Variants in AFG1L observed in about 807,000 individuals in gnomAD.
AFG1L encodes the protein AFG1 like ATPase, also known as AFG1-like ATPase.
Under a neutral mutation model 62.2 loss-of-function variants are expected in AFG1L, and 53 were observed. The observed-to-expected ratio is 0.85, with a 90% CI of 0.68 to 1.07. The LOEUF (loss-of-function observed/expected upper bound fraction) is 1.07. Among genes scored for constraint, AFG1L ranks in the 50% least tolerant of loss-of-function variants. The pLI, the probability that AFG1L is intolerant of heterozygous loss-of-function variation, is 0.00. For missense variants in AFG1L, 555 were observed against 590.5 expected, an observed-to-expected ratio of 0.94 and a Z score of 0.62; for synonymous variants, 228 against 210.3, an observed-to-expected ratio of 1.08 and a Z score of -0.73.
At chr6:108,491,787 T>C (rs1773787266) in intron 10 of AFG1L, among the ~76,000 whole-genome samples, 1 of 152,282 alleles carries the variant, frequency 6.6e-6, no homozygotes, top group African/African-American at 2.4e-5. Context: ...CTTTTTAATA[T>C]CTTTTGAATA....
intron 11 of AFG1L, among the ~76,000 whole-genome samples, chr6:108,513,801 G>A (rs540392253): frequency 7.0e-4 from 107 of 152,306 alleles, no homozygotes; most frequent in African/African-American, 2.4e-3. Context: ...ATCTGAGAAC[G>A]GACAGACTGT....
intron 5 of AFG1L, among the ~76,000 whole-genome samples, chr6:108,363,590 CTG>C (rs1779630821): frequency 6.6e-6 from 1 of 151,642 alleles, no homozygotes; most frequent in Non-Finnish European, 1.5e-5. Flanking sequence ...ACATGTTAAA[CTG>C]TTTATGATTC....
intron 11 of AFG1L, among the ~76,000 whole-genome samples, chr6:108,517,851 AC>A (rs1415903019): frequency 6.6e-6 from 1 of 152,238 alleles, no homozygotes; most frequent in Non-Finnish European, 1.5e-5. Flanking sequence ...AAGGATATGA[AC>A]AGACACTTCT....
chr6:108,342,566 A>G (rs1337976966), intron 2 of AFG1L, among the ~76,000 whole-genome samples: 1 of 152,106 alleles, frequency 6.6e-6, no homozygotes, highest in Non-Finnish European at 1.5e-5. Context: ...CTTCTTTAGG[A>G]CCCATTTTAT....
chr6:108,304,875 T>C (rs917793670), intron 1 of AFG1L, among the ~76,000 whole-genome samples: 1 of 152,230 alleles, frequency 6.6e-6, no homozygotes, highest in Admixed American at 6.5e-5. Context: ...AGACGACTAA[T>C]AAAAACTGAT....
chr6:108,347,013 G>A lies in AFG1L; in HGVS notation c.389G>A (p.Arg130Lys). Residue 130 changes from arginine (R) to lysine (K), a missense_variant, in exon 3 of 13, where the codon AGG becomes AAG. Physicochemically the swap from Arg to Lys is conservative, Grantham distance 26. Transcript: ENST00000368977. ...SKLFSRSKPPRGLYVYGDVGT... is the reference protein window; with the variant it reads ...SKLFSRSKPPKGLYVYGDVGT... ...CTTTTTTCAAGGAGCAAACCTCCAA[G>A]GGGCCTGTATGTTTATGGAGATGTT... 6.2e-7 allele frequency: 1 copy of A among 1,613,372 alleles called. No homozygotes were observed. Among genetic ancestry groups the A allele is most frequent in the South Asian group, 1.1e-5 (1 of 91,032 alleles).
intron 1 of AFG1L, among the ~76,000 whole-genome samples, chr6:108,315,968 G>A (rs576810882): frequency 1.5e-4 from 23 of 152,092 alleles, no homozygotes; most frequent in Non-Finnish European, 2.5e-4. Flanking sequence ...GATAGCTTGA[G>A]CCTGGAAGGT....
chr6:108,480,824 A>T (rs948682851), intron 10 of AFG1L, among the ~76,000 whole-genome samples: 1 of 152,188 alleles, frequency 6.6e-6, no homozygotes, highest in Non-Finnish European at 1.5e-5. Context: ...AACAACAAAA[A>T]TAAATAAAGT....
chr6:108,422,497 AAAG>A (rs1196041463), intron 7 of AFG1L, among the ~76,000 whole-genome samples: 11 of 147,718 alleles, frequency 7.4e-5, no homozygotes, highest in South Asian at 4.2e-4. Context: ...AAAAAAAAAA[AAAG>A]AAGAAGAAAT....
chr6:108,514,372 C>A (rs1482251520), intron 11 of AFG1L, among the ~76,000 whole-genome samples: 1 of 152,106 alleles, frequency 6.6e-6, no homozygotes, highest in African/African-American at 2.4e-5. Flanking sequence ...AATTTTCAAC[C>A]CAGAATTTCA....
intron 10 of AFG1L, among the ~76,000 whole-genome samples, chr6:108,496,474 G>T (rs1180078536): frequency 1.3e-5 from 2 of 152,130 alleles, no homozygotes; most frequent in African/African-American, 4.8e-5. Context: ...AAATGAGTGT[G>T]GCAACAGCAA....
At chr6:108,389,747 G>A (rs985817847) in intron 6 of AFG1L, among the ~76,000 whole-genome samples, 9 of 152,238 alleles carry the variant, frequency 5.9e-5, no homozygotes, top group Admixed American at 2.0e-4. Context: ...CGAGAGATCC[G>A]CTGTTAGTGT....
intron 1 of AFG1L, 26 bp downstream of exon 1, chr6:108,295,244 C>G: frequency 6.3e-7 from 1 of 1,587,378 alleles, no homozygotes; most frequent in South Asian, 1.1e-5. Flanking sequence ...ATGAGTAGTC[C>G]GAGCCGACTG....
chr6:108,369,053 A>G (rs1420860902), intron 6 of AFG1L, among the ~76,000 whole-genome samples: 1 of 152,200 alleles, frequency 6.6e-6, no homozygotes, highest in Non-Finnish European at 1.5e-5. Flanking sequence ...ACAGCAGACA[A>G]TCATCATAAA....
chr6:108,405,241 G>A (rs1781798080), intron 7 of AFG1L, among the ~76,000 whole-genome samples: 1 of 152,192 alleles, frequency 6.6e-6, no homozygotes, highest in South Asian at 2.1e-4. Context: ...TTTGGTATAA[G>A]TGATTTACAA....
At chr6:108,519,251 T>G (rs1773132605) in intron 11 of AFG1L, among the ~76,000 whole-genome samples, 1 of 152,184 alleles carries the variant, frequency 6.6e-6, no homozygotes, top group Non-Finnish European at 1.5e-5. Flanking sequence ...ATCCCATGCA[T>G]GAAGGCAGAG....
chr6:108,341,882 A>G (rs1435353958), intron 2 of AFG1L, among the ~76,000 whole-genome samples: 1 of 152,202 alleles, frequency 6.6e-6, no homozygotes, highest in Non-Finnish European at 1.5e-5. Context: ...TAGTCATTTC[A>G]GATTTTGAAG....
At chr6:108,353,814 A>AT (rs556053085) in intron 3 of AFG1L, among the ~76,000 whole-genome samples, 289 of 152,310 alleles carry the variant, frequency 1.9e-3, no homozygotes, top group African/African-American at 6.7e-3. Flanking sequence ...TGTACTGAAT[A>AT]TTTTTGCAAT....
chr6:108,337,650 A>T (rs939937764), intron 2 of AFG1L, among the ~76,000 whole-genome samples: 3 of 152,198 alleles, frequency 2.0e-5, no homozygotes, highest in African/African-American at 7.2e-5. Context: ...TGATAAAGAG[A>T]TCTTAGTTCT....
Sources: allele counts gnomAD v4.1 joint callset (sites outside exome capture counted in the v4.1 genomes callset), GRCh38; gene constraint gnomAD v4.1.1; transcripts MANE v1.5; gene names NCBI Gene and HGNC (gene_info 2026-07-23, HGNC 2026-07-21).